The following GDPD5 variants were observed in gnomAD, a reference collection of about 807,000 sequenced individuals.
The protein encoded by GDPD5 is glycerophosphodiester phosphodiesterase domain containing 5.
In GDPD5, 48 loss-of-function variants were observed where a neutral mutation model predicts 75.1. The ratio of observed to expected loss-of-function variants is 0.64; its 90% CI spans 0.51 to 0.81. GDPD5 has a LOEUF of 0.81. Among genes scored for constraint, GDPD5 ranks in the 40% least tolerant of loss-of-function variants. The probability of loss-of-function intolerance (pLI) is 0.00; values close to 1 mark genes in which losing one functional copy is unlikely to be tolerated. For synonymous variants in GDPD5, 336 were observed against 339.0 expected, an observed-to-expected ratio of 0.99 and a Z score of 0.10; for missense variants, 706 against 822.6, an observed-to-expected ratio of 0.86 and a Z score of 1.73.
chr11:75,437,080 C>T, intron 15 of GDPD5, 32 bp from the exon 16 acceptor site: 2 of 1,513,950 alleles, frequency 1.3e-6, no homozygotes, highest in Non-Finnish European at 1.8e-6. Context: ...CATCAGGTCT[C>T]TCCTCAGCCC....
intron 5 of GDPD5, 102 bp from the exon 6 acceptor site, chr11:75,456,918 C>G: frequency 8.4e-7 from 1 of 1,191,774 alleles, no homozygotes. Flanking sequence ...GGGCCTGACC[C>G]TGGGCAGAGG....
intron 3 of GDPD5, among the ~76,000 whole-genome samples, chr11:75,467,239 C>T (rs1273105402): frequency 2.0e-5 from 3 of 152,196 alleles, no homozygotes; most frequent in Non-Finnish European, 2.9e-5. Context: ...TCGGTCTCCT[C>T]GTTGTAAATG....
intron 3 of GDPD5, among the ~76,000 whole-genome samples, chr11:75,476,121 C>T (rs1288678268): frequency 6.6e-6 from 1 of 152,206 alleles, no homozygotes; most frequent in Non-Finnish European, 1.5e-5. Context: ...TGTCTCCCCA[C>T]CCCATTCACA....
intron 3 of GDPD5, among the ~76,000 whole-genome samples, chr11:75,465,712 T>G (rs1427346202): frequency 6.6e-6 from 1 of 152,242 alleles, no homozygotes; most frequent in African/African-American, 2.4e-5. Flanking sequence ...GTTAGATGGC[T>G]GTCTGTCCAC....
At chr11:75,511,903 A>G (rs1321094034) in intron 1 of GDPD5, among the ~76,000 whole-genome samples, 1 of 152,218 alleles carries the variant, frequency 6.6e-6, no homozygotes, top group Non-Finnish European at 1.5e-5. Context: ...CTTTGTTTTC[A>G]TCATCTGCAA....
intron 3 of GDPD5, among the ~76,000 whole-genome samples, chr11:75,469,255 T>C (rs1439733301): frequency 6.6e-6 from 1 of 152,136 alleles, no homozygotes; most frequent in Admixed American, 6.5e-5. Context: ...CCAATCTCAC[T>C]CACAGGCTGC....
intron 8 of GDPD5, 130 bp downstream of exon 8, chr11:75,449,387 C>A: frequency 1.2e-6 from 1 of 857,584 alleles, no homozygotes; most frequent in Non-Finnish European, 1.8e-6. Context: ...AGCCAGAATC[C>A]CCCTCACTGA....
At chr11:75,492,858 G>A (rs1017219707) in intron 1 of GDPD5, among the ~76,000 whole-genome samples, 1 of 152,028 alleles carries the variant, frequency 6.6e-6, no homozygotes, top group South Asian at 2.1e-4. Context: ...TCAGCCTCCC[G>A]AGTAGCTGCG....
At chr11:75,483,013 C>T (rs903011741) in intron 2 of GDPD5, among the ~76,000 whole-genome samples, 2 of 152,202 alleles carry the variant, frequency 1.3e-5, no homozygotes, top group Non-Finnish European at 2.9e-5. Flanking sequence ...CACACTCGGC[C>T]GCCGGGACGA....
At chr11:75,475,978 A>G (rs769608888) in intron 3 of GDPD5, among the ~76,000 whole-genome samples, 1 of 152,140 alleles carries the variant, frequency 6.6e-6, no homozygotes, top group Non-Finnish European at 1.5e-5. Context: ...CTCCATGCCT[A>G]TGACTGGCTG....
intron 3 of GDPD5, among the ~76,000 whole-genome samples, chr11:75,465,213 C>T (rs780122425): frequency 1.4e-4 from 22 of 152,320 alleles, no homozygotes; most frequent in Non-Finnish European, 3.1e-4. Flanking sequence ...TGGCCCAGGC[C>T]AGCTCTGTGC....
intron 3 of GDPD5, among the ~76,000 whole-genome samples, chr11:75,467,922 T>C (rs186695391): frequency 0.01 from 1,527 of 152,280 alleles, 17 homozygotes; most frequent in Middle Eastern, 0.017. Flanking sequence ...TCACCCTTCT[T>C]TGTCTCTGTC....
At chr11:75,495,431 C>T (rs1414106199) in intron 1 of GDPD5, among the ~76,000 whole-genome samples, 1 of 151,962 alleles carries the variant, frequency 6.6e-6, no homozygotes, top group Non-Finnish European at 1.5e-5. Flanking sequence ...TGCCACACTG[C>T]ACTCCAGCCT....
rs138108671 is a variant in GDPD5, at chr11:75,506,349, G to A, written c.-144-16029C>T. Among the ~76,000 whole-genome samples, 433 of 152,278 alleles carry A rather than the reference G, an allele frequency of 2.8e-3. 2 individuals are homozygous for A. Among genetic ancestry groups the A allele is most frequent in the African/African-American group, 1.0e-2 (414 of 41,546 alleles). ...GGATGAACTTACTTGATAGGAAAAG[G>A]AAAATTCATCATCAGGTAAACACAA... On this transcript the variant is annotated intron_variant, in intron 1 of 16. Coordinates refer to ENST00000336898, the MANE Select transcript of GDPD5 (RefSeq NM_030792.8).
intron 2 of GDPD5, among the ~76,000 whole-genome samples, chr11:75,478,976 C>T (rs1208411219): frequency 6.6e-6 from 1 of 152,218 alleles, no homozygotes; most frequent in Non-Finnish European, 1.5e-5. Context: ...ACACAGGGAG[C>T]TCCCTCACCG....
At chr11:75,447,169 C>G (rs770578875) in intron 9 of GDPD5, among the ~76,000 whole-genome samples, 3 of 152,180 alleles carry the variant, frequency 2.0e-5, no homozygotes, top group Non-Finnish European at 4.4e-5. Flanking sequence ...AAGCATGAGC[C>G]ACTGAGCCCA....
chr11:75,448,354 A>G, intron 9 of GDPD5: 1 of 391,398 alleles, frequency 2.6e-6, no homozygotes, highest in Non-Finnish European at 3.5e-6. Flanking sequence ...GCCCCACAGC[A>G]GGTGCTCTCA....
At chr11:75,438,377 A>G (rs1241046685) in intron 15 of GDPD5, 3 of 152,140 alleles carry the variant, frequency 2.0e-5, no homozygotes, top group African/African-American at 7.2e-5. Flanking sequence ...AGACAATGAC[A>G]CTGCCCTGGC....
At chr11:75,444,266 A>G (rs1391829334) in intron 10 of GDPD5, 147 bp downstream of exon 10, 5 of 628,426 alleles carry the variant, frequency 8.0e-6, no homozygotes, top group Admixed American at 4.8e-5. Flanking sequence ...CTGCAGGAAC[A>G]GGGTGCCTGC....
Sources: allele counts gnomAD v4.1 joint callset (sites outside exome capture counted in the v4.1 genomes callset), GRCh38; gene constraint gnomAD v4.1.1; transcripts MANE v1.5; gene names NCBI Gene and HGNC (gene_info 2026-07-23, HGNC 2026-07-21).